OVCA2: variants seen among roughly 807,000 people sequenced by gnomAD.
OVCA2 encodes the protein esterase OVCA2.
OVCA2 carries 14 observed loss-of-function variants against 10.1 expected under a neutral mutation model. The ratio of observed to expected loss-of-function variants is 1.39; its 90% CI spans 0.92 to 2.17. The LOEUF is 2.17. Among genes scored for constraint, OVCA2 ranks in the 30% most tolerant of loss-of-function variants. The pLI is 0.00. For missense variants in OVCA2, 376 were observed against 300.5 expected (o/e 1.25, Z -1.86); for synonymous variants, 201 against 134.1 (o/e 1.50, Z -3.45).
chr17:2,043,141 C>T lies in OVCA2; in HGVS notation c.*37C>T. 2 of 1,594,456 alleles carry T rather than the reference C, an allele frequency of 1.3e-6. No individual in the cohort carries two copies. On this transcript the variant is annotated 3_prime_UTR_variant, in exon 2 of 2. Coordinates refer to ENST00000572195, the MANE Select transcript of OVCA2 (RefSeq NM_080822.3). ...ATGTCTCTGCTCCTACATCCAGCTC[C>T]TCTAGGGGCAGCCTCCGTCATCCAT...
chr17:2,042,978 G>A lies in OVCA2; in HGVS notation c.558G>A (p.Glu186=). Residue 186 remains glutamate, a synonymous_variant, in exon 2 of 2, where the codon GAG becomes GAA. Transcript: ENST00000572195. ...GDTDKVIPSQ[E]SVQLASQFPG... is the part of the protein sequence containing the mutation. ...CTGACAAAGTCATCCCCTCTCAGGAGAGTGTGCAACTGGCCAGCCAATTTC... is the reference window on the plus strand; with the variant it reads ...CTGACAAAGTCATCCCCTCTCAGGAAAGTGTGCAACTGGCCAGCCAATTTC... The A allele has an allele frequency of 3.1e-6, 5 of 1,614,156 alleles. No homozygotes were observed. Among genetic ancestry groups the A allele is most frequent in the Non-Finnish European group, 4.2e-6 (5 of 1,180,038 alleles).
chr17:2,043,130 A>G lies in OVCA2; in HGVS notation c.*26A>G. 6.2e-7 allele frequency: 1 copy of G among 1,604,548 alleles called. No homozygotes were observed. The highest frequency in any genetic ancestry group is 8.5e-7 in the Non-Finnish European group (1 of 1,175,596). ...AAGATCAAGAAATGTCTCTGCTCCTACATCCAGCTCCTCTAGGGGCAGCCT... is the reference window on the plus strand; with the variant it reads ...AAGATCAAGAAATGTCTCTGCTCCTGCATCCAGCTCCTCTAGGGGCAGCCT... On this transcript the variant is annotated 3_prime_UTR_variant, in exon 2 of 2. Coordinates refer to ENST00000572195, the MANE Select transcript of OVCA2 (RefSeq NM_080822.3).
At chr17:2,042,505 T>A in intron 1 of OVCA2, 100 bp from the exon 2 acceptor site, 1 of 1,448,618 alleles carries the variant, frequency 6.9e-7, no homozygotes, top group South Asian at 1.6e-5. Flanking sequence ...CGATTCCCTT[T>A]TTCTCTCTGT....
Position 2,042,792 on chromosome 17 carries a change from A to AGC in OVCA2, c.373_374dup (p.Ala126GlnfsTer135). Reference sequence around the variant, plus strand: ...TTGGTTTCAGCCAAGGGGCTGCGCTAGCAGCCCTTGTGTGTGCCCTGGGCC... The same window carrying AGC: ...TTGGTTTCAGCCAAGGGGCTGCGCTAGCGCAGCCCTTGTGTGTGCCCTGGGCC... On this transcript the variant is annotated frameshift_variant, in exon 2 of 2. Coordinates refer to ENST00000572195, the MANE Select transcript of OVCA2 (RefSeq NM_080822.3). LOFTEE classifies it high-confidence loss of function. The AGC allele has an allele frequency of 6.2e-7, 1 of 1,613,500 alleles. No homozygotes were observed. Among genetic ancestry groups the AGC allele is most frequent in the Non-Finnish European group, 8.5e-7 (1 of 1,179,872 alleles).
rs979165634 is a variant in OVCA2 at position 2,042,220 on chromosome 17, G to A, written c.173G>A (p.Arg58Lys). ...GACCCCCCGGGCCCCGAGGGCGCCA[G>A]ATCAGACTTCGGTGAGACAAGCCCC... is the stretch of plus-strand genomic sequence containing the variant. ...VPDPPGPEGA[R>K]SDFGSCPPEE... The change falls in exon 1 of 2, where the codon AGA becomes AAA. Residue 58 changes from arginine to lysine, a missense_variant. Coordinates refer to ENST00000572195, the MANE Select transcript of OVCA2 (RefSeq NM_080822.3). The A allele has an allele frequency of 4.2e-6, 6 of 1,427,774 alleles. No individual in the cohort carries two copies. Among genetic ancestry groups the A allele is most frequent in the Non-Finnish European group, 5.5e-6 (6 of 1,098,418 alleles). 88.4% of individuals were successfully genotyped at this position (1,427,774 alleles called of 1,614,324 possible).
chr17:2,042,202 C>T lies in OVCA2; in HGVS notation c.155C>T (p.Pro52Leu), dbSNP rs752196726. ...LSGPHPVPDP[P>L]GPEGARSDFG... ...GGCCCGCACCCGGTCCCCGACCCCC[C>T]GGGCCCCGAGGGCGCCAGATCAGAC... is the stretch of plus-strand genomic sequence containing the variant. Residue 52 changes from proline to leucine, a missense_variant, in exon 1 of 2, where the codon CCG becomes CTG. Pro to Leu is a moderately conservative substitution (Grantham distance 98, BLOSUM62 -3). Coordinates refer to ENST00000572195, the MANE Select transcript of OVCA2 (RefSeq NM_080822.3). The T allele has an allele frequency of 2.2e-5, 32 of 1,434,452 alleles. No individual in the cohort carries two copies. Among genetic ancestry groups the T allele is most frequent in the African/African-American group, 7.5e-5 (5 of 66,654 alleles). The allele number at this position is 1,434,452 out of a possible 1,614,324, so 88.9% of individuals were successfully genotyped here.
chr17:2,042,117 GAGA>G lies in OVCA2; in HGVS notation c.74_76del (p.Lys25del). 1 of 1,565,850 alleles carries G rather than the reference GAGA, an allele frequency of 6.4e-7. No homozygotes were observed. Among genetic ancestry groups the G allele is most frequent in the Non-Finnish European group, 8.6e-7 (1 of 1,165,252 alleles). ...CCGGCAGAGCGAGCGGGGCTTCCGT[GAGA>G]AGACCGGGGCGCTGAGGAAGGCGCT... On this transcript the variant is annotated inframe_deletion, in exon 1 of 2. Coordinates refer to ENST00000572195, the MANE Select transcript of OVCA2 (RefSeq NM_080822.3).
rs147229181 is a variant in OVCA2 at position 2,042,472 on chromosome 17, T to C, written c.185-133T>C. The C allele has an allele frequency of 7.0e-4, 951 of 1,356,734 alleles. 10 individuals carry two copies. The African/African-American group carries it at 0.013, about 19-fold the overall frequency. 84.0% of individuals were successfully genotyped at this position (1,356,734 alleles called of 1,614,324 possible). Reference sequence around the variant, plus strand: ...GGCCAATCCACTCATTTCCCCCCTCTCATTTCCCCCAGACTTTTGCCTCGA... The same window carrying C: ...GGCCAATCCACTCATTTCCCCCCTCCCATTTCCCCCAGACTTTTGCCTCGA... On this transcript the variant is annotated intron_variant, in intron 1 of 1. Transcript: ENST00000572195.
rs2067572111 is a variant in OVCA2, at chr17:2,042,953, C to G, written c.533C>G (p.Thr178Ser). ...SLPSLHVFGD[T>S]DKVIPSQESV... Reference sequence around the variant, plus strand: ...CCTTCGCTCCATGTTTTTGGGGACACTGACAAAGTCATCCCCTCTCAGGAG... The same window carrying G: ...CCTTCGCTCCATGTTTTTGGGGACAGTGACAAAGTCATCCCCTCTCAGGAG... Residue 178 changes from threonine to serine, a missense_variant, in exon 2 of 2, where the codon ACT (threonine) becomes AGT (serine). Thr to Ser is a moderately conservative substitution (Grantham distance 58). Coordinates refer to ENST00000572195, the MANE Select transcript of OVCA2 (RefSeq NM_080822.3). The G allele has an allele frequency of 6.2e-7, 1 of 1,614,078 alleles. No homozygotes were observed. Among genetic ancestry groups the G allele is most frequent in the African/African-American group, 1.3e-5 (1 of 74,948 alleles).
rs764581097 is a variant in OVCA2 at position 2,042,934 on chromosome 17, C to A, written c.514C>A (p.Leu172Ile). ...ILQRPLSLPS[L>I]HVFGDTDKVI... ...GCAAAGGCCCTTGTCATTGCCTTCG[C>A]TCCATGTTTTTGGGGACACTGACAA... Residue 172 changes from leucine (L) to isoleucine (I), a missense_variant, in exon 2 of 2, where the codon CTC (leucine) becomes ATC (isoleucine). By Grantham distance (5) the Leu-to-Ile change is conservative. Coordinates refer to ENST00000572195, the MANE Select transcript of OVCA2 (RefSeq NM_080822.3). 3.1e-6 allele frequency: 5 copies of A among 1,614,168 alleles called. No homozygotes were observed. The highest frequency in any genetic ancestry group is 4.2e-6 in the Non-Finnish European group (5 of 1,180,038).
chr17:2,042,393 G>A, intron 1 of OVCA2, 162 bp downstream of exon 1: 1 of 1,278,806 alleles, frequency 7.8e-7, no homozygotes. Context: ...TCAAACTGCA[G>A]CCTGTCCTCC....
In OVCA2 at chr17:2,042,174, A is replaced by G; in HGVS notation, c.127A>G (p.Ser43Gly). The G allele has an allele frequency of 1.4e-6, 2 of 1,459,436 alleles. No individual in the cohort carries two copies. Among genetic ancestry groups the G allele is most frequent in the Admixed American group, 2.6e-5 (1 of 38,178 alleles). The allele number at this position is 1,459,436 out of a possible 1,614,324, so 90.4% of individuals were successfully genotyped here. The change falls in exon 1 of 2, where the codon AGC becomes GGC. Residue 43 changes from serine to glycine, a missense_variant. Transcript: ENST00000572195. ...LRGRAELVCL[S>G]GPHPVPDPPG... ...GGGTCGCGCCGAGCTCGTGTGCCTCAGCGGCCCGCACCCGGTCCCCGACCC... is the reference window on the plus strand; with the variant it reads ...GGGTCGCGCCGAGCTCGTGTGCCTCGGCGGCCCGCACCCGGTCCCCGACCC...
At chr17:2,042,325 C>A in intron 1 of OVCA2, 94 bp downstream of exon 1, 1 of 1,383,060 alleles carries the variant, frequency 7.2e-7, no homozygotes, top group Non-Finnish European at 9.4e-7. Flanking sequence ...CTGCGTCCAC[C>A]CGCATTCCTC....
intron 1 of OVCA2, 127 bp from the exon 2 acceptor site, chr17:2,042,478 C>G (rs777722231): frequency 1.5e-6 from 2 of 1,378,796 alleles, no homozygotes; most frequent in Non-Finnish European, 1.9e-6. Flanking sequence ...CCTCTCATTT[C>G]CCCCAGACTT....
At position 2,043,032 on chromosome 17, in the gene OVCA2, T is replaced by G. The variant is rs2067574452; in HGVS notation, c.612T>G (p.Gly204=). 9 of 1,613,956 alleles carry G rather than the reference T, an allele frequency of 5.6e-6. No individual in the cohort carries two copies. The highest frequency in any genetic ancestry group is 7.6e-6 in the Non-Finnish European group (9 of 1,180,034). ...GAGCCATCACCCTCACCCACTCTGG[T>G]GGCCACTTCATTCCAGCAGCTGCAC... ...FPGAITLTHS[G]GHFIPAAAPQ... The change falls in exon 2 of 2, where the codon GGT becomes GGG. Residue 204 remains glycine, a synonymous_variant. Coordinates refer to ENST00000572195, the MANE Select transcript of OVCA2 (RefSeq NM_080822.3).
Position 2,043,381 on chromosome 17 carries a change from G to A in OVCA2, c.*277G>A. Reference sequence around the variant, plus strand: ...AGGAGGGTGACATGGGGAAGGCAGAGGCTGGCACCATGGTGACTGCCACAT... The same window carrying A: ...AGGAGGGTGACATGGGGAAGGCAGAAGCTGGCACCATGGTGACTGCCACAT... On this transcript the variant is annotated 3_prime_UTR_variant, in exon 2 of 2. Coordinates refer to ENST00000572195, the MANE Select transcript of OVCA2 (RefSeq NM_080822.3). 1 of 408,988 alleles carries A rather than the reference G, an allele frequency of 2.4e-6. No individual in the cohort carries two copies. Among genetic ancestry groups the A allele is most frequent in the Non-Finnish European group, 4.4e-6 (1 of 229,054 alleles). 25.3% of individuals were successfully genotyped at this position (408,988 alleles called of 1,614,324 possible).
Sources: gnomAD v4.1 joint callset for allele counts on GRCh38, gnomAD v4.1.1 for gene constraint, MANE v1.5 for transcripts, NCBI Gene and HGNC (gene_info 2026-07-23, HGNC 2026-07-21) for gene names.